The following CCDC171 variants were observed in gnomAD, a reference collection of about 807,000 sequenced individuals.
The protein encoded by CCDC171 is coiled-coil domain-containing protein 171.
CCDC171 carries 177 observed loss-of-function variants against 168.2 expected under a neutral mutation model. The observed-to-expected ratio is 1.05, with a 90% CI of 0.93 to 1.19. The LOEUF is 1.19. CCDC171 is among the 50% of genes most tolerant of loss of function. The pLI is 0.00. For missense variants in CCDC171, 1,991 were observed against 1,539.0 expected (o/e 1.29, Z -4.91); for synonymous variants, 687 against 540.8 (o/e 1.27, Z -3.75).
At position 16,057,356 on chromosome 9, in the gene CCDC171, C is replaced by T. The variant is rs571629095; in HGVS notation, n.90-3290C>T. On this transcript the variant is annotated intron_variant and non_coding_transcript_variant, in intron 1 of 1. Coordinates refer to the CCDC171 transcript ENST00000478913. ...TATGGAGAAAACAGTTTCTGATAAACGGTAGTGGGAAGGGAACTTCCCCCA... is the reference window on the plus strand; with the variant it reads ...TATGGAGAAAACAGTTTCTGATAAATGGTAGTGGGAAGGGAACTTCCCCCA... Among the ~76,000 whole-genome samples, 9 of 152,278 alleles carry T rather than the reference C, an allele frequency of 5.9e-5. No individual in the cohort carries two copies. The South Asian group carries it at 1.0e-3, about 18-fold the overall frequency.
At chr9:16,090,598 A>C in the CCDC171 span, among the ~76,000 whole-genome samples, 4 of 152,324 alleles carry the variant, frequency 2.6e-5, no homozygotes, top group African/African-American at 9.6e-5. Context: ...AAAAGTATGG[A>C]AATAAAAATG....
chr9:15,598,420 C>G (rs1224611226), intron 6 of CCDC171, among the ~76,000 whole-genome samples: 5 of 152,076 alleles, frequency 3.3e-5, no homozygotes, highest in Admixed American at 3.3e-4. Context: ...AGCAGTCATT[C>G]AGGAGTAGGT....
At chr9:15,615,569 A>G (rs1277792523) in intron 6 of CCDC171, among the ~76,000 whole-genome samples, 1 of 152,226 alleles carries the variant, frequency 6.6e-6, no homozygotes, top group Non-Finnish European at 1.5e-5. Flanking sequence ...ATCAACTATC[A>G]TAGCAGTAAT....
chr9:15,724,304 C>T (rs2053666093), intron 13 of CCDC171, among the ~76,000 whole-genome samples: 1 of 152,108 alleles, frequency 6.6e-6, no homozygotes, highest in Admixed American at 6.6e-5. Flanking sequence ...TGGGTTTGTC[C>T]TGGACACACT....
intron 21 of CCDC171, among the ~76,000 whole-genome samples, chr9:15,835,488 C>T (rs201668328): frequency 6.6e-6 from 1 of 152,096 alleles, no homozygotes; most frequent in Non-Finnish European, 1.5e-5. Context: ...AGTACAATGG[C>T]GTGATCTCGG....
chr9:15,874,062 AT>A (rs2131224553), intron 23 of CCDC171, among the ~76,000 whole-genome samples: 1 of 152,186 alleles, frequency 6.6e-6, no homozygotes, highest in Admixed American at 6.5e-5. Context: ...ATTTGTTTTG[AT>A]TCTAGAGTAC....
At chr9:15,812,084 A>C (rs1041708703) in intron 21 of CCDC171, among the ~76,000 whole-genome samples, 12 of 152,208 alleles carry the variant, frequency 7.9e-5, no homozygotes, top group Admixed American at 2.6e-4. Context: ...CAAGGTATTA[A>C]AAAAAGAGAA....
chr9:15,702,553 G>A (rs1164299386), intron 11 of CCDC171, among the ~76,000 whole-genome samples: 1 of 152,022 alleles, frequency 6.6e-6, no homozygotes, highest in Non-Finnish European at 1.5e-5. Flanking sequence ...AGCCACATTA[G>A]CCCCTAACAA....
intron 23 of CCDC171, chr9:15,850,395 A>T (rs867201972): frequency 8.6e-5 from 13 of 151,992 alleles, no homozygotes; most frequent in Admixed American, 3.9e-4. Flanking sequence ...CAACAGGATG[A>T]TTATAATCAT....
At chr9:16,013,234 C>T (rs1832920749) in intron 3 of CCDC171, among the ~76,000 whole-genome samples, 1 of 152,154 alleles carries the variant, frequency 6.6e-6, no homozygotes, top group South Asian at 2.1e-4. Context: ...TTCCTCCTGC[C>T]TCTGTCCACC....
At chr9:15,687,236 C>T (rs2050458574) in intron 10 of CCDC171, among the ~76,000 whole-genome samples, 1 of 152,102 alleles carries the variant, frequency 6.6e-6, no homozygotes, top group Non-Finnish European at 1.5e-5. Context: ...ACATACCAAA[C>T]TTTGTGGGAT....
chr9:15,836,185 T>A (rs1284690747), intron 21 of CCDC171, among the ~76,000 whole-genome samples: 1 of 152,078 alleles, frequency 6.6e-6, no homozygotes, highest in Non-Finnish European at 1.5e-5. Context: ...CTCTCCTATG[T>A]TGCAGTGACA....
chr9:15,986,375 C>T (rs2987023), intron 3 of CCDC171, among the ~76,000 whole-genome samples: 75,020 of 151,990 alleles, frequency 0.49, 19,868 homozygotes, highest in African/African-American at 0.7. Context: ...CAATCACCTT[C>T]AGAAAGGCTG....
At chr9:15,788,071 G>A (rs1379450565) in intron 21 of CCDC171, among the ~76,000 whole-genome samples, 1 of 152,112 alleles carries the variant, frequency 6.6e-6, no homozygotes, top group Non-Finnish European at 1.5e-5. Flanking sequence ...CTTAAATATT[G>A]TTGTCAGGAA....
chr9:15,583,044 A>G (rs1278126960), intron 4 of CCDC171, among the ~76,000 whole-genome samples: 1 of 152,186 alleles, frequency 6.6e-6, no homozygotes, highest in Non-Finnish European at 1.5e-5. Context: ...ATGCACACGC[A>G]GGTTTACAGC....
intron 21 of CCDC171, among the ~76,000 whole-genome samples, chr9:15,840,285 T>G (rs1026121197): frequency 6.6e-6 from 1 of 152,162 alleles, no homozygotes; most frequent in Non-Finnish European, 1.5e-5. Context: ...GACATTTGTT[T>G]TAGGTAATTC....
intron 24 of CCDC171, among the ~76,000 whole-genome samples, chr9:15,884,547 T>G (rs1211718065): frequency 6.6e-6 from 1 of 152,104 alleles, no homozygotes; most frequent in Non-Finnish European, 1.5e-5. Context: ...AACAGCATAG[T>G]ATTTGGAAAA....
intron 23 of CCDC171, among the ~76,000 whole-genome samples, chr9:15,860,965 A>C (rs2061533153): frequency 2.2e-5 from 1 of 45,246 alleles, no homozygotes; most frequent in African/African-American, 1.6e-4. Context: ...TGTGTGTGAT[A>C]ATTGTTAAAA....
At chr9:16,057,173 A>G (rs1833854291) in intron 1 of CCDC171, among the ~76,000 whole-genome samples, 1 of 152,308 alleles carries the variant, frequency 6.6e-6, no homozygotes, top group African/African-American at 2.4e-5. Flanking sequence ...ATATCATGTG[A>G]GTAATGTTTT....
Sources: gnomAD v4.1 joint callset for allele counts (sites outside exome capture counted in the v4.1 genomes callset) on GRCh38, gnomAD v4.1.1 for gene constraint, MANE v1.5 for transcripts, NCBI Gene and HGNC (gene_info 2026-07-23, HGNC 2026-07-21) for gene names.